The following NUBP1 variants were observed in gnomAD, a reference collection of about 807,000 sequenced individuals.
NUBP1 encodes the protein cytosolic Fe-S cluster assembly factor NUBP1.
NUBP1 carries 46 observed loss-of-function variants against 41.8 expected under a neutral mutation model. That is an observed-to-expected ratio of 1.10 (90% confidence interval 0.87 to 1.41). NUBP1 has a LOEUF of 1.41. NUBP1 is among the 40% of genes most tolerant of loss of function. The pLI, the probability that NUBP1 is intolerant of heterozygous loss-of-function variation, is 0.00. For synonymous variants in NUBP1, 189 were observed against 154.6 expected, an observed-to-expected ratio of 1.22 and a Z score of -1.65; for missense variants, 494 against 414.0, an observed-to-expected ratio of 1.19 and a Z score of -1.68.
Position 10,755,701 on chromosome 16 carries a change from C to CG in NUBP1, c.328-18dup. 6.2e-7 allele frequency: 1 copy of CG among 1,612,476 alleles called. No individual in the cohort carries two copies. ...GTACATGATTTCTACTAATGAACAT[C>CG]GGTGCTCATGTTCACACAGGTTCAC... On this transcript the variant is annotated intron_variant, in intron 4 of 10. Coordinates refer to ENST00000283027, the MANE Select transcript of NUBP1 (RefSeq NM_002484.4).
In NUBP1 at chr16:10,758,673, G is replaced by T. The variant is rs190600635; in HGVS notation, c.606+646G>T. Among the ~76,000 whole-genome samples, 4 of 152,278 alleles carry T rather than the reference G, an allele frequency of 2.6e-5. No homozygotes were observed. The East Asian group carries it at 7.7e-4, about 29-fold the overall frequency. On this transcript the variant is annotated intron_variant, in intron 7 of 10. Coordinates refer to ENST00000283027, the MANE Select transcript of NUBP1 (RefSeq NM_002484.4). ...GCTGCCTGGCCCCGTCAGCCTTGCC[G>T]TGTCCATGTGTCAGGTCCCCCAGCC...
chr16:10,761,845 T>G lies in NUBP1; in HGVS notation c.806T>G (p.Leu269Arg), dbSNP rs1404851425. ...GTCCCTCTCCTCGGCAGAGTGCCCC[T>G]GGATCCGCTCATAGGTGGGTGACCC... Reference protein sequence around the residue: ...LEVPLLGRVPLDPLIGKNCDK... With the variant: ...LEVPLLGRVPRDPLIGKNCDK... Residue 269 changes from leucine (L) to arginine (R), a missense_variant, in exon 9 of 11, where the codon CTG becomes CGG. By Grantham distance (102) the Leu-to-Arg change is moderately radical (BLOSUM62 -2). Coordinates refer to ENST00000283027, the MANE Select transcript of NUBP1 (RefSeq NM_002484.4). 4.3e-6 allele frequency: 7 copies of G among 1,613,834 alleles called. No homozygotes were observed. Among genetic ancestry groups the G allele is most frequent in the Non-Finnish European group, 5.9e-6 (7 of 1,179,798 alleles).
chr16:10,768,950 C>T lies in NUBP1; in HGVS notation c.905-97C>T, dbSNP rs1048294743. ...TTTTTATGGAACTAGCCAGAGGATT[C>T]CACCCCTGTCAAAACACAGCCCTCC... On this transcript the variant is annotated intron_variant, in intron 10 of 10. Coordinates refer to ENST00000283027, the MANE Select transcript of NUBP1 (RefSeq NM_002484.4). The surrounding 1 kb of genome is among the most constrained non-coding windows in gnomAD (Gnocchi z 4.3). The T allele has an allele frequency of 3.6e-5, 38 of 1,066,504 alleles. No individual in the cohort carries two copies. The highest frequency in any genetic ancestry group is 5.2e-5 in the Non-Finnish European group (36 of 695,454). 66.1% of individuals were successfully genotyped at this position (1,066,504 alleles called of 1,614,324 possible).
chr16:10,748,674 G>A (rs1378482572), intron 3 of NUBP1, among the ~76,000 whole-genome samples: 8 of 152,192 alleles, frequency 5.3e-5, no homozygotes, highest in African/African-American at 1.9e-4. Context: ...CTCAGTAAAG[G>A]TCTGTGATGG....
At chr16:10,748,194 C>G (rs1900150518) in intron 3 of NUBP1, among the ~76,000 whole-genome samples, 1 of 152,256 alleles carries the variant, frequency 6.6e-6, no homozygotes, top group Admixed American at 6.5e-5. Context: ...CAAGGCGTCC[C>G]CCTGCCTCGG....
intron 7 of NUBP1, 196 bp from the exon 8 acceptor site, chr16:10,761,168 T>G: frequency 2.0e-6 from 1 of 489,350 alleles, no homozygotes; most frequent in Non-Finnish European, 3.7e-6. Flanking sequence ...CCTGTTCCTG[T>G]AGGGATGTAG....
Position 10,767,437 on chromosome 16 carries a change from G to A in NUBP1, c.821-512G>A. ...GCAGCAGGCAGAATGTGTGTGTCAT[G>A]TGCTCCCATTCGTATTTTAGGTATA... On this transcript the variant is annotated intron_variant, in intron 9 of 10. Coordinates refer to ENST00000283027, the MANE Select transcript of NUBP1 (RefSeq NM_002484.4). The surrounding 1 kb of genome is among the most constrained non-coding windows in gnomAD (Gnocchi z 4.6). 2.5e-6 allele frequency: 1 copy of A among 400,232 alleles called. No homozygotes were observed. The highest frequency in any genetic ancestry group is 2.1e-5 in the African/African-American group (1 of 48,758). 24.8% of individuals were successfully genotyped at this position (400,232 alleles called of 1,614,324 possible).
chr16:10,756,630 G>C, intron 5 of NUBP1, 60 bp from the exon 6 acceptor site: 1 of 1,267,910 alleles, frequency 7.9e-7, no homozygotes, highest in Non-Finnish European at 1.1e-6. Flanking sequence ...ACCTGGGGGA[G>C]GGCCTCACTG....
At chr16:10,754,922 A>G (rs1346150320) in intron 4 of NUBP1, among the ~76,000 whole-genome samples, 1 of 152,042 alleles carries the variant, frequency 6.6e-6, no homozygotes, top group South Asian at 2.1e-4. Flanking sequence ...GCGGGCACCT[A>G]TAATCTCAGC....
intron 3 of NUBP1, 29 bp downstream of exon 3, chr16:10,747,305 C>G: frequency 6.2e-7 from 1 of 1,608,528 alleles, no homozygotes. Context: ...CTGGGAGATG[C>G]TCATTTTGTC....
At chr16:10,750,348 A>T (rs753102628) in intron 3 of NUBP1, among the ~76,000 whole-genome samples, 1 of 152,322 alleles carries the variant, frequency 6.6e-6, no homozygotes, top group East Asian at 1.9e-4. Context: ...GGGCTCAAGC[A>T]GTTCTGCCTC....
Position 10,743,948 on chromosome 16 carries a change from T to G in NUBP1, c.20-13T>G, listed in dbSNP as rs1272967245. ...TCGGGAGCTGCTCTAACTGTGGTCT[T>G]GTCTCTGCGCAGACTGTCCAGGGGC... On this transcript the variant is annotated splice_polypyrimidine_tract_variant and intron_variant, in intron 1 of 10. Coordinates refer to ENST00000283027, the MANE Select transcript of NUBP1 (RefSeq NM_002484.4). 1 of 1,592,890 alleles carries G rather than the reference T, an allele frequency of 6.3e-7. No individual in the cohort carries two copies. The highest frequency in any genetic ancestry group is 8.5e-7 in the Non-Finnish European group (1 of 1,172,360).
In NUBP1 at chr16:10,766,078, A is replaced by G. The variant is rs1377390945; in HGVS notation, c.821-1871A>G. On this transcript the variant is annotated intron_variant, in intron 9 of 10. Transcript: ENST00000283027. The surrounding 1 kb of genome is among the most constrained non-coding windows in gnomAD (Gnocchi z 4.8). ...CAGGAAGGCATGAGGACAGCACTTC[A>G]GTCTCCTCTGGGGACATGGTGGCAA... 2 of 152,392 alleles carry G rather than the reference A, an allele frequency of 1.3e-5. No homozygotes were observed. The highest frequency in any genetic ancestry group is 3.8e-4 in the East Asian group (2 of 5,198). The allele number at this position is 152,392 out of a possible 1,614,324, so 9.4% of individuals were successfully genotyped here.
At chr16:10,761,628 T>C in intron 8 of NUBP1, 129 bp from the exon 9 acceptor site, 1 of 963,780 alleles carries the variant, frequency 1.0e-6, no homozygotes, top group Non-Finnish European at 1.6e-6. Flanking sequence ...AAAGGAAAGT[T>C]CTTTAGGTGT....
At position 10,767,363 on chromosome 16, in the gene NUBP1, A is replaced by G; in HGVS notation, c.821-586A>G. 1 of 400,004 alleles carries G rather than the reference A, an allele frequency of 2.5e-6. No homozygotes were observed. The highest frequency in any genetic ancestry group is 4.4e-6 in the Non-Finnish European group (1 of 227,094). The allele number at this position is 400,004 out of a possible 1,614,324, so 24.8% of individuals were successfully genotyped here. ...ATGGCGGGGAAAGACTAGCAGACTG[A>G]TAGACACCAGCACAGATGACCTGGA... On this transcript the variant is annotated intron_variant, in intron 9 of 10. Transcript: ENST00000283027. This position sits in a 1 kb window ranked among gnomAD's most constrained non-coding sequence, Gnocchi z 4.6.
chr16:10,768,093 G>C lies in NUBP1; in HGVS notation c.904+61G>C. Reference sequence around the variant, plus strand: ...GTGGGGCAGGAAGCAACATAAAGGAGCCAGGGGTGTGGAAGGACAGGTGGG... The same window carrying C: ...GTGGGGCAGGAAGCAACATAAAGGACCCAGGGGTGTGGAAGGACAGGTGGG... On this transcript the variant is annotated intron_variant, in intron 10 of 10. Transcript: ENST00000283027. This position sits in a 1 kb window ranked among gnomAD's most constrained non-coding sequence, Gnocchi z 4.3. 6.5e-7 allele frequency: 1 copy of C among 1,532,160 alleles called. No homozygotes were observed. The highest frequency in any genetic ancestry group is 1.7e-5 in the Admixed American group (1 of 59,772). 94.9% of individuals were successfully genotyped at this position (1,532,160 alleles called of 1,614,324 possible). A position where few individuals can be genotyped will look rare whatever the true frequency, so the allele number is the denominator to read the frequency against.
chr16:10,756,849 C>G (rs1900593567), intron 6 of NUBP1, 69 bp downstream of exon 6: 1 of 1,252,732 alleles, frequency 8.0e-7, no homozygotes. Flanking sequence ...GCTTTATCTG[C>G]TCCCTGTCCT....
intron 9 of NUBP1, among the ~76,000 whole-genome samples, chr16:10,763,327 G>C (rs1246721010): frequency 1.3e-5 from 2 of 152,060 alleles, no homozygotes; most frequent in African/African-American, 4.8e-5. Flanking sequence ...CAGTGTTGGG[G>C]GATGGCTGCC....
chr16:10,767,235 C>G lies in NUBP1; in HGVS notation c.821-714C>G, dbSNP rs553147345. 25 of 399,950 alleles carry G rather than the reference C, an allele frequency of 6.3e-5. No homozygotes were observed. Among genetic ancestry groups the G allele is most frequent in the African/African-American group, 4.9e-4 (24 of 48,772 alleles). 24.8% of individuals were successfully genotyped at this position (399,950 alleles called of 1,614,324 possible). On this transcript the variant is annotated intron_variant, in intron 9 of 10. Transcript: ENST00000283027. The surrounding 1 kb of genome is among the most constrained non-coding windows in gnomAD (Gnocchi z 4.6). ...AGGGCAGACTGGAGGCGAGAACACC[C>G]CCATTGACCCCTAGCCCCTTGTGTC...
Sources: allele counts gnomAD v4.1 joint callset (sites outside exome capture counted in the v4.1 genomes callset), GRCh38; gene constraint gnomAD v4.1.1; non-coding constraint Gnocchi (gnomAD v3.1); transcripts MANE v1.5; gene names NCBI Gene and HGNC (gene_info 2026-07-23, HGNC 2026-07-21).